The following FAM98C variants were observed in gnomAD, a reference collection of about 807,000 sequenced individuals.
FAM98C encodes protein FAM98C.
Under a neutral mutation model 41.1 loss-of-function variants are expected in FAM98C, and 38 were observed. The observed-to-expected ratio is 0.92, with a 90% CI of 0.71 to 1.21. FAM98C has a LOEUF of 1.21. FAM98C is among the 50% of genes most tolerant of loss of function. The pLI, the probability that FAM98C is intolerant of heterozygous loss-of-function variation, is 0.00. For missense variants in FAM98C, 493 were observed against 484.7 expected (o/e 1.02, Z -0.16); for synonymous variants, 195 against 216.7 (o/e 0.90, Z 0.88).
intron 3 of FAM98C, 99 bp from the exon 4 acceptor site, chr19:38,404,809 G>A (rs1313642939): frequency 4.4e-6 from 6 of 1,350,426 alleles, no homozygotes; most frequent in Admixed American, 1.7e-5. Flanking sequence ...GATTACAGGT[G>A]TGAGCCACCG....
In FAM98C at chr19:38,409,082, A is replaced by C; in HGVS notation, c.*200A>C. The C allele has an allele frequency of 2.0e-6, 1 of 489,104 alleles. No homozygotes were observed. Among genetic ancestry groups the C allele is most frequent in the Non-Finnish European group, 3.4e-6 (1 of 297,988 alleles). The allele number at this position is 489,104 out of a possible 1,614,324, so 30.3% of individuals were successfully genotyped here. On this transcript the variant is annotated 3_prime_UTR_variant, in exon 8 of 8. Transcript: ENST00000252530. ...CTCCAGAGAATAAATTTAATTTATG[A>C]CAGCTGTAGGACCTCTCTCTGTGGG...
intron 7 of FAM98C, chr19:38,408,134 G>T (rs1256556309): frequency 6.6e-6 from 1 of 151,752 alleles, no homozygotes; most frequent in Non-Finnish European, 1.5e-5. Context: ...TTTAAGTTAA[G>T]AAAAAAACTG....
chr19:38,405,490 T>C, intron 5 of FAM98C, 29 bp from the exon 6 acceptor site: 1 of 1,614,052 alleles, frequency 6.2e-7, no homozygotes, highest in Non-Finnish European at 8.5e-7. Context: ...GAGGGACCCC[T>C]AGCCTGACCT....
At chr19:38,404,679 C>T (rs894532188) in intron 3 of FAM98C, 9 of 475,984 alleles carry the variant, frequency 1.9e-5, no homozygotes, top group Middle Eastern at 6.2e-4. Context: ...TACAAGCACT[C>T]ACCACTATGT....
At position 38,407,303 on chromosome 19, in the gene FAM98C, C is replaced by T. The variant is rs115238449; in HGVS notation, c.918+226C>T. 797 of 524,194 alleles carry T rather than the reference C, an allele frequency of 1.5e-3. 3 individuals carry two copies. The highest frequency in any genetic ancestry group is 0.013 in the African/African-American group (707 of 53,020). 32.5% of individuals were successfully genotyped at this position (524,194 alleles called of 1,614,324 possible). A position where few individuals can be genotyped will look rare whatever the true frequency, so the allele number is the denominator to read the frequency against. Reference sequence around the variant, plus strand: ...ACAAAGTCTAGCTATTTACTGAGTCCCTGGCTACTTCTCCAGCTTGGGCTT... The same window carrying T: ...ACAAAGTCTAGCTATTTACTGAGTCTCTGGCTACTTCTCCAGCTTGGGCTT... On this transcript the variant is annotated intron_variant, in intron 7 of 7. Transcript: ENST00000252530.
Position 38,403,139 on chromosome 19 carries a change from C to T in FAM98C, c.-15C>T. On this transcript the variant is annotated 5_prime_UTR_variant, in exon 1 of 8. Coordinates refer to ENST00000252530, the MANE Select transcript of FAM98C (RefSeq NM_174905.4). ...TGCCACCGGCCGCCAGGGGGCGCGC[C>T]GAGACCACACTTTCATGGAGGCGGT... 1 of 1,516,116 alleles carries T rather than the reference C, an allele frequency of 6.6e-7. No individual in the cohort carries two copies. Among genetic ancestry groups the T allele is most frequent in the South Asian group, 1.3e-5 (1 of 79,220 alleles). 93.9% of individuals were successfully genotyped at this position (1,516,116 alleles called of 1,614,324 possible).
chr19:38,405,114 G>C lies in FAM98C; in HGVS notation c.555+1G>C. 1 of 1,606,770 alleles carries C rather than the reference G, an allele frequency of 6.2e-7. No individual in the cohort carries two copies. Among genetic ancestry groups the C allele is most frequent in the South Asian group, 1.1e-5 (1 of 90,942 alleles). On this transcript the variant is annotated splice_donor_variant, in intron 4 of 7. Transcript: ENST00000252530. LOFTEE classifies it high-confidence loss of function. ...GCTGCTGCAGGAGTTGCATGCTAAG[G>C]TAGAGAGTCAGAGTCCCCTCCCGAC...
chr19:38,405,498 C>T (rs2145175507), intron 5 of FAM98C, 21 bp from the exon 6 acceptor site: 1 of 1,614,106 alleles, frequency 6.2e-7, no homozygotes, highest in South Asian at 1.1e-5. Flanking sequence ...CCTAGCCTGA[C>T]CTTGAGACCT....
At position 38,408,776 on chromosome 19, in the gene FAM98C, G is replaced by A. The variant is rs375320861; in HGVS notation, c.944G>A (p.Arg315Gln). 11 of 1,611,542 alleles carry A rather than the reference G, an allele frequency of 6.8e-6. No homozygotes were observed. The highest frequency in any genetic ancestry group is 2.7e-5 in the African/African-American group (2 of 74,566). ...GTGCTTATGGGCAACGTTCCAGACC[G>A]GGGGGGCCGCCCAAATGAGCTGGAG... ...NKVLMGNVPD[R>Q]GGRPNELEPP... The change falls in exon 8 of 8, where the codon CGG (arginine) becomes CAG (glutamine). Residue 315 changes from arginine (R) to glutamine (Q), a missense_variant. Physicochemically the swap from Arg to Gln is conservative, Grantham distance 43. Transcript: ENST00000252530.
At chr19:38,405,272 T>C (rs1971022726) in intron 4 of FAM98C, 72 bp from the exon 5 acceptor site, 1 of 1,557,484 alleles carries the variant, frequency 6.4e-7, no homozygotes. Flanking sequence ...TCCTCAGGGG[T>C]GTGGGGAGCT....
rs187719629 is a variant in FAM98C at position 38,408,554 on chromosome 19, G to A, written c.919-197G>A. ...AGCCTGGGCAACAGAGTGAGACTCCGTCTCAAAAAAAAGAAAAGAAAAAAG... is the reference window on the plus strand; with the variant it reads ...AGCCTGGGCAACAGAGTGAGACTCCATCTCAAAAAAAAGAAAAGAAAAAAG... On this transcript the variant is annotated intron_variant, in intron 7 of 7. Transcript: ENST00000252530. 247 of 634,996 alleles carry A rather than the reference G, an allele frequency of 3.9e-4. 1 individual carries two copies. The highest frequency in any genetic ancestry group is 3.9e-3 in the African/African-American group (207 of 53,438). 39.3% of individuals were successfully genotyped at this position (634,996 alleles called of 1,614,324 possible). A position where few individuals can be genotyped will look rare whatever the true frequency, so the allele number is the denominator to read the frequency against.
At position 38,403,560 on chromosome 19, in the gene FAM98C, G is replaced by A. The variant is rs773190564; in HGVS notation, c.215G>A (p.Gly72Asp). The change falls in exon 3 of 8, where the codon GGC (glycine) becomes GAC (aspartate). Residue 72 changes from glycine to aspartate, a missense_variant and splice_region_variant. Physicochemically the swap from Gly to Asp is moderately conservative, Grantham distance 94 (BLOSUM62 -1). Coordinates refer to ENST00000252530, the MANE Select transcript of FAM98C (RefSeq NM_174905.4). ...AGAEVLSAGD[G>D]PGAEEDFLRQ... ...AGCCCTGACACCCCTGTCCTCGCAG[G>A]CCCTGGCGCGGAGGAGGACTTTCTG... 4 of 1,493,742 alleles carry A rather than the reference G, an allele frequency of 2.7e-6. No homozygotes were observed. The East Asian group carries it at 8.5e-5, about 32-fold the overall frequency. The allele number at this position is 1,493,742 out of a possible 1,614,324, so 92.5% of individuals were successfully genotyped here. A position where few individuals can be genotyped will look rare whatever the true frequency, so the allele number is the denominator to read the frequency against.
chr19:38,405,638 G>A lies in FAM98C; in HGVS notation c.750+3G>A, dbSNP rs1971029410. ...TCCACTGGAGTGACCGGGCAGAGGT[G>A]TGGTGGGCAGGGGACCATGCAGAAT... On this transcript the variant is annotated splice_donor_region_variant and intron_variant, in intron 6 of 7. Coordinates refer to ENST00000252530, the MANE Select transcript of FAM98C (RefSeq NM_174905.4). The A allele has an allele frequency of 6.2e-7, 1 of 1,613,992 alleles. No individual in the cohort carries two copies. Among genetic ancestry groups the A allele is most frequent in the Admixed American group, 1.7e-5 (1 of 59,992 alleles).
chr19:38,403,761 G>A, intron 3 of FAM98C, 67 bp downstream of exon 3: 7 of 1,349,244 alleles, frequency 5.2e-6, no homozygotes, highest in Non-Finnish European at 6.6e-6. Flanking sequence ...ACTTTTTAGG[G>A]GAAATCGAGG....
chr19:38,408,538 AAC>A (rs1971083849), intron 7 of FAM98C: 3 of 556,738 alleles, frequency 5.4e-6, no homozygotes, highest in Admixed American at 3.3e-5. Flanking sequence ...CAGCCTGGGC[AAC>A]AGAGTGAGAC....
intron 6 of FAM98C, 23 bp from the exon 7 acceptor site, chr19:38,406,887 C>G (rs774149033): frequency 1.2e-6 from 2 of 1,609,448 alleles, no homozygotes; most frequent in Non-Finnish European, 1.7e-6. Flanking sequence ...AGGGTACCTT[C>G]TCTTACCTCC....
In FAM98C at chr19:38,403,645, G is replaced by C; in HGVS notation, c.300G>C (p.Gly100=). The C allele has an allele frequency of 7.1e-7, 1 of 1,414,202 alleles. No individual in the cohort carries two copies. Among genetic ancestry groups the C allele is most frequent in the Non-Finnish European group, 9.1e-7 (1 of 1,093,984 alleles). 87.6% of individuals were successfully genotyped at this position (1,414,202 alleles called of 1,614,324 possible). A position where few individuals can be genotyped will look rare whatever the true frequency, so the allele number is the denominator to read the frequency against. Residue 100 remains glycine (G), a synonymous_variant, in exon 3 of 8, where the codon GGG becomes GGC. Coordinates refer to ENST00000252530, the MANE Select transcript of FAM98C (RefSeq NM_174905.4). ...GCCCGGATCGCGCGCTCTGCGGCGG[G>C]GATGGCGCGGCTGCGCTTCGGGAAC... The part of the protein sequence containing the change: ...LHCPDRALCG[G]DGAAALREPG...
chr19:38,404,112 G>A (rs182966924), intron 3 of FAM98C, among the ~76,000 whole-genome samples: 88 of 152,160 alleles, frequency 5.8e-4, no homozygotes, highest in African/African-American at 2.0e-3. Context: ...GGCAGGTCTC[G>A]AACTCCTGAC....
chr19:38,405,101 G>C lies in FAM98C; in HGVS notation c.543G>C (p.Glu181Asp). ...CCCCCGCCAGCCAGCTGCTGCAGGA[G>C]TTGCATGCTAAGGTAGAGAGTCAGA... The part of the protein sequence containing the change: ...PGTPASQLLQ[E>D]LHAKISELQP... The change falls in exon 4 of 8, where the codon GAG becomes GAC. Residue 181 changes from glutamate (E) to aspartate (D), a missense_variant. Physicochemically the swap from Glu to Asp is conservative, Grantham distance 45. Coordinates refer to ENST00000252530, the MANE Select transcript of FAM98C (RefSeq NM_174905.4). The C allele has an allele frequency of 6.2e-7, 1 of 1,610,836 alleles. No homozygotes were observed. Among genetic ancestry groups the C allele is most frequent in the Non-Finnish European group, 8.5e-7 (1 of 1,177,836 alleles).
Sources: gnomAD v4.1 joint callset for allele counts (sites outside exome capture counted in the v4.1 genomes callset) on GRCh38, gnomAD v4.1.1 for gene constraint, MANE v1.5 for transcripts, NCBI Gene and HGNC (gene_info 2026-07-23, HGNC 2026-07-21) for gene names.